The following ARL6IP1 variants were observed in gnomAD, a reference collection of about 807,000 sequenced individuals.
ARL6IP1 encodes ARL6 interacting reticulophagy regulator 1.
A neutral mutation model predicts 30.1 loss-of-function variants in ARL6IP1; 16 were observed. The observed-to-expected ratio is 0.53, with a 90% CI of 0.36 to 0.81. ARL6IP1 has a LOEUF of 0.81. Among genes scored for constraint, ARL6IP1 ranks in the 30% least tolerant of loss-of-function variants. ARL6IP1 has a pLI of 0.01. For synonymous variants in ARL6IP1, 72 were observed against 84.8 expected (o/e 0.85, Z 0.83); for missense variants, 173 against 242.7 (o/e 0.71, Z 1.91).
chr16:18,800,033 T>TA (rs2030361020), intron 1 of ARL6IP1, among the ~76,000 whole-genome samples: 1 of 152,164 alleles, frequency 6.6e-6, no homozygotes, highest in Non-Finnish European at 1.5e-5. Flanking sequence ...TGTCTCTTTG[T>TA]AAAAGTCATT....
At chr16:18,800,725 A>C (rs1329391642) in intron 1 of ARL6IP1, among the ~76,000 whole-genome samples, 1 of 152,166 alleles carries the variant, frequency 6.6e-6, no homozygotes, top group Non-Finnish European at 1.5e-5. Context: ...TTTTTTGCCC[A>C]CAAGGTGCGC....
Position 18,801,085 on chromosome 16 carries a change from C to G in ARL6IP1, c.36+346G>C, listed in dbSNP as rs1006945746. 9.0e-6 allele frequency: 8 copies of G among 886,058 alleles called. No homozygotes were observed. In the Admixed American group the frequency reaches 3.0e-4, roughly 33 times the overall value. The allele number at this position is 886,058 out of a possible 1,614,324, so 54.9% of individuals were successfully genotyped here. On this transcript the variant is annotated intron_variant, in intron 1 of 5. Coordinates refer to ENST00000304414, the MANE Select transcript of ARL6IP1 (RefSeq NM_015161.3). ...CAAAGACGGGGAAAGCCGAATACGGCTGGGGCCTGAGCCGCGAAAGCGCTG... is the reference window on the plus strand; with the variant it reads ...CAAAGACGGGGAAAGCCGAATACGGGTGGGGCCTGAGCCGCGAAAGCGCTG...
intron 1 of ARL6IP1, among the ~76,000 whole-genome samples, chr16:18,800,667 C>T (rs2030380159): frequency 1.3e-5 from 2 of 152,206 alleles, no homozygotes; most frequent in Admixed American, 6.5e-5. Context: ...ATGTGACCTA[C>T]AGTCACCAGG....
At chr16:18,793,971 T>G (rs192998036) in intron 5 of ARL6IP1, among the ~76,000 whole-genome samples, 2 of 151,814 alleles carry the variant, frequency 1.3e-5, no homozygotes, top group South Asian at 2.1e-4. Context: ...TTATTACGTG[T>G]GTATGGCGGT....
chr16:18,792,683 T>A lies in ARL6IP1; in HGVS notation c.*569A>T, dbSNP rs994889134. 6.6e-6 allele frequency: 1 copy of A among 152,648 alleles called. No homozygotes were observed. The highest frequency in any genetic ancestry group is 1.5e-5 in the Non-Finnish European group (1 of 68,042). The allele number at this position is 152,648 out of a possible 1,614,324, so 9.5% of individuals were successfully genotyped here. ...GCTTTGCACAAGGGAGAAGCCTACA[T>A]GTACTAGTGCATGGAATCAGTTTCA... On this transcript the variant is annotated 3_prime_UTR_variant, in exon 6 of 6. Coordinates refer to ENST00000304414, the MANE Select transcript of ARL6IP1 (RefSeq NM_015161.3).
At chr16:18,798,259 T>G in intron 2 of ARL6IP1, 1 of 425,784 alleles carries the variant, frequency 2.3e-6, no homozygotes, top group Non-Finnish European at 4.2e-6. Context: ...AAAAGCTCTT[T>G]GGAGTTCTCA....
intron 1 of ARL6IP1, among the ~76,000 whole-genome samples, chr16:18,799,174 C>T (rs2030332861): frequency 6.6e-6 from 1 of 152,112 alleles, no homozygotes; most frequent in African/African-American, 2.4e-5. Context: ...CGCCCGCCAC[C>T]ACGCCCGACT....
intron 3 of ARL6IP1, 179 bp downstream of exon 3, chr16:18,797,746 G>A (rs949680196): frequency 2.7e-6 from 2 of 731,444 alleles, no homozygotes; most frequent in African/African-American, 1.8e-5. Context: ...ATGGAGTACA[G>A]AAAATTCATA....
chr16:18,796,468 G>T (rs759024807), intron 3 of ARL6IP1, among the ~76,000 whole-genome samples: 7 of 152,180 alleles, frequency 4.6e-5, no homozygotes, highest in Non-Finnish European at 1.0e-4. Flanking sequence ...TTTCTTCCTT[G>T]TAAGATCAAA....
At chr16:18,794,803 A>G in intron 4 of ARL6IP1, 120 bp from the exon 5 acceptor site, 1 of 632,894 alleles carries the variant, frequency 1.6e-6, no homozygotes, top group Non-Finnish European at 2.6e-6. Flanking sequence ...TTTAGCTTTT[A>G]TTATCACTTT....
In ARL6IP1 at chr16:18,792,340, G is replaced by C. The variant is rs1197075939; in HGVS notation, c.*912C>G. ...GGTTTACCTTAAAAGGCTTATTCTG[G>C]TCTCAAAAATTAGATAAGATTATCT... On this transcript the variant is annotated 3_prime_UTR_variant, in exon 6 of 6. Transcript: ENST00000304414. 1 of 152,078 alleles carries C rather than the reference G, an allele frequency of 6.6e-6. No homozygotes were observed. The highest frequency in any genetic ancestry group is 1.5e-5 in the Non-Finnish European group (1 of 68,020). The allele number at this position is 152,078 out of a possible 1,614,324, so 9.4% of individuals were successfully genotyped here.
At chr16:18,800,603 TG>T (rs1388767218) in intron 1 of ARL6IP1, among the ~76,000 whole-genome samples, 2 of 152,202 alleles carry the variant, frequency 1.3e-5, no homozygotes, top group Non-Finnish European at 2.9e-5. Context: ...TCTGGGGTCT[TG>T]GAAGTTCAAA....
intron 3 of ARL6IP1, among the ~76,000 whole-genome samples, chr16:18,796,279 A>G (rs1034212604): frequency 7.9e-5 from 12 of 152,228 alleles, no homozygotes; most frequent in Admixed American, 3.3e-4. Flanking sequence ...AATGGCTGCT[A>G]TTATTGCCCT....
At chr16:18,798,908 T>C (rs2030323661) in intron 1 of ARL6IP1, 74 bp from the exon 2 acceptor site, 4 of 1,424,766 alleles carry the variant, frequency 2.8e-6, no homozygotes, top group Non-Finnish European at 3.7e-6. Flanking sequence ...CTTCAATTAT[T>C]TTAAAGCTCC....
intron 1 of ARL6IP1, among the ~76,000 whole-genome samples, chr16:18,799,820 A>C (rs1323879831): frequency 6.6e-6 from 1 of 152,214 alleles, no homozygotes; most frequent in Non-Finnish European, 1.5e-5. Flanking sequence ...TGAACAGCCG[A>C]AAGTGGGCCT....
intron 5 of ARL6IP1, 127 bp from the exon 6 acceptor site, chr16:18,793,497 T>C: frequency 3.5e-6 from 2 of 567,482 alleles, no homozygotes; most frequent in South Asian, 2.2e-5. Flanking sequence ...AATGGCGCAA[T>C]CTTGGCTCAC....
intron 1 of ARL6IP1, among the ~76,000 whole-genome samples, chr16:18,800,927 C>A (rs912401642): frequency 6.6e-6 from 1 of 152,188 alleles, no homozygotes; most frequent in African/African-American, 2.4e-5. Flanking sequence ...CGGTTCCCCA[C>A]GGTGAGCTCG....
chr16:18,798,756 A>G lies in ARL6IP1; in HGVS notation c.115T>C (p.Trp39Arg). Reference protein sequence around the residue: ...VMLMADKVLRWERAWFPPAIM... With the variant: ...VMLMADKVLRRERAWFPPAIM... ...GCAGGTGGAAACCAGGCTCTTTCCC[A>G]TCGGAGGACTTTATCAGCCATCAGC... Residue 39 changes from tryptophan (W) to arginine (R), a missense_variant, in exon 2 of 6, where the codon TGG becomes CGG. Physicochemically the swap from Trp to Arg is moderately radical, Grantham distance 101. Coordinates refer to ENST00000304414, the MANE Select transcript of ARL6IP1 (RefSeq NM_015161.3). 6.2e-7 allele frequency: 1 copy of G among 1,614,190 alleles called. No homozygotes were observed. Among genetic ancestry groups the G allele is most frequent in the Non-Finnish European group, 8.5e-7 (1 of 1,180,026 alleles).
chr16:18,795,390 G>T, intron 4 of ARL6IP1, 74 bp downstream of exon 4: 2 of 961,050 alleles, frequency 2.1e-6, no homozygotes, highest in Non-Finnish European at 1.6e-6. Context: ...TCAAATTATA[G>T]CTATTAAGAC....
Sources: allele counts gnomAD v4.1 joint callset (sites outside exome capture counted in the v4.1 genomes callset), GRCh38; gene constraint gnomAD v4.1.1; transcripts MANE v1.5; gene names NCBI Gene and HGNC (gene_info 2026-07-23, HGNC 2026-07-21).